HDAC9: variants seen among roughly 807,000 people sequenced by gnomAD.
HDAC9 encodes the protein MEF-2 interacting transcription repressor (MITR) protein.
Under a neutral mutation model 139.4 loss-of-function variants are expected in HDAC9, and 41 were observed. That is an observed-to-expected ratio of 0.29 (90% CI 0.23 to 0.38). The LOEUF is 0.38. HDAC9 is among the 10% of genes least tolerant of loss of function. The pLI is 1.00. For synonymous variants in HDAC9, 517 were observed against 476.2 expected, an observed-to-expected ratio of 1.09 and a Z score of -1.12; for missense variants, 1,147 against 1,297.0, an observed-to-expected ratio of 0.88 and a Z score of 1.78.
intron 13 of HDAC9, among the ~76,000 whole-genome samples, chr7:18,742,503 T>C (rs1468212540): frequency 6.6e-6 from 1 of 152,206 alleles, no homozygotes; most frequent in East Asian, 1.9e-4. Context: ...TTTACAAGCA[T>C]AAGCAAACCA....
intron 8 of HDAC9, among the ~76,000 whole-genome samples, chr7:18,634,968 A>C (rs1440825106): frequency 1.3e-5 from 2 of 152,116 alleles, no homozygotes; most frequent in Admixed American, 6.6e-5. Flanking sequence ...GCTGACATAA[A>C]TAAATATCAA....
At chr7:18,261,482 C>T (rs1352569950) in intron 2 of HDAC9, among the ~76,000 whole-genome samples, 1 of 152,002 alleles carries the variant, frequency 6.6e-6, no homozygotes, top group African/African-American at 2.4e-5. Flanking sequence ...GTCCATTGGG[C>T]CAGTATATTT....
At chr7:18,702,133 G>T (rs1382677441) in intron 12 of HDAC9, among the ~76,000 whole-genome samples, 1 of 152,150 alleles carries the variant, frequency 6.6e-6, no homozygotes, top group Non-Finnish European at 1.5e-5. Flanking sequence ...GTCGGATCTC[G>T]CTGACCCGTG....
chr7:18,270,034 A>T (rs2128212669), intron 2 of HDAC9, among the ~76,000 whole-genome samples: 1 of 152,082 alleles, frequency 6.6e-6, no homozygotes, highest in Admixed American at 6.5e-5. Flanking sequence ...TCGTTATAGG[A>T]GGTACAGTCA....
At chr7:18,562,981 A>G (rs1056077312) in intron 2 of HDAC9, among the ~76,000 whole-genome samples, 5 of 152,096 alleles carry the variant, frequency 3.3e-5, no homozygotes, top group Admixed American at 6.5e-5. Context: ...TTTATGCCCA[A>G]CAATTTTGTT....
chr7:18,420,760 C>G (rs183542155), intron 1 of HDAC9, among the ~76,000 whole-genome samples: 1 of 152,052 alleles, frequency 6.6e-6, no homozygotes, highest in African/African-American at 2.4e-5. Context: ...GGTGAATAAA[C>G]CAAACAAGAA....
chr7:18,347,969 T>G (rs1344510712), intron 1 of HDAC9, among the ~76,000 whole-genome samples: 1 of 152,202 alleles, frequency 6.6e-6, no homozygotes, highest in African/African-American at 2.4e-5. Flanking sequence ...GGGTTGACAG[T>G]CATAGATTCT....
chr7:18,718,617 C>G (rs867381785), intron 12 of HDAC9, among the ~76,000 whole-genome samples: 1 of 152,096 alleles, frequency 6.6e-6, no homozygotes, highest in South Asian at 2.1e-4. Context: ...TTCCTTCTTA[C>G]GGCTAGATAA....
chr7:18,502,485 T>G (rs1798654485), intron 2 of HDAC9: 1 of 152,212 alleles, frequency 6.6e-6, no homozygotes, highest in African/African-American at 2.4e-5. Flanking sequence ...ACGTGGATAT[T>G]GGTGATAAGA....
At chr7:18,362,658 T>C (rs1783874328) in intron 1 of HDAC9, among the ~76,000 whole-genome samples, 1 of 152,182 alleles carries the variant, frequency 6.6e-6, no homozygotes, top group South Asian at 2.1e-4. Context: ...GGAAATTTTA[T>C]AGACAGACAT....
chr7:18,334,615 G>A (rs1272539737), intron 1 of HDAC9, among the ~76,000 whole-genome samples: 1 of 151,350 alleles, frequency 6.6e-6, no homozygotes, highest in East Asian at 1.9e-4. Context: ...AAAAACATAC[G>A]TTTATATCCA....
At chr7:18,859,850 A>ATGTGTGTG (rs1157775071) in intron 21 of HDAC9, among the ~76,000 whole-genome samples, 1 of 123,418 alleles carries the variant, frequency 8.1e-6, no homozygotes, top group African/African-American at 3.2e-5. Flanking sequence ...ATATATATAT[A>ATGTGTGTG]TATATATATG....
intron 1 of HDAC9, among the ~76,000 whole-genome samples, chr7:18,312,882 G>T (rs925895268): frequency 6.6e-6 from 1 of 152,072 alleles, no homozygotes; most frequent in African/African-American, 2.4e-5. Context: ...AGTTTAATGG[G>T]TTTATTAGGG....
At chr7:18,990,089 G>T (rs896441898) in intron 25 of HDAC9, among the ~76,000 whole-genome samples, 1 of 152,144 alleles carries the variant, frequency 6.6e-6, no homozygotes, top group African/African-American at 2.4e-5. Context: ...TTGTTCCATT[G>T]CTGGTGAGGA....
intron 1 of HDAC9, among the ~76,000 whole-genome samples, chr7:18,355,508 A>T (rs957693769): frequency 1.3e-5 from 2 of 152,216 alleles, no homozygotes; most frequent in South Asian, 2.1e-4. Context: ...GAAGGCAGAT[A>T]TTTAAACCAT....
At chr7:18,767,883 A>G (rs1368679906) in intron 16 of HDAC9, among the ~76,000 whole-genome samples, 1 of 152,218 alleles carries the variant, frequency 6.6e-6, no homozygotes, top group African/African-American at 2.4e-5. Context: ...AGACTAAGGT[A>G]TTTAAGTCAA....
chr7:18,648,746 C>A, intron 11 of HDAC9, 63 bp downstream of exon 11: 1 of 1,331,834 alleles, frequency 7.5e-7, no homozygotes, highest in Non-Finnish European at 1.1e-6. Context: ...TATCTCTTCA[C>A]TGATATGGGT....
At chr7:18,567,636 A>G (rs965911798) in intron 2 of HDAC9, among the ~76,000 whole-genome samples, 3 of 152,198 alleles carry the variant, frequency 2.0e-5, no homozygotes, top group African/African-American at 4.8e-5. Flanking sequence ...TTTGGGTTAT[A>G]TAAATTTAAA....
chr7:18,989,761 G>T (rs13238200), intron 25 of HDAC9, among the ~76,000 whole-genome samples: 25,566 of 48,520 alleles, frequency 0.53, 8,117 homozygotes, highest in African/African-American at 0.64. Flanking sequence ...TTCTTCTTAT[G>T]CTTTTTTCTC....
Sources: allele counts gnomAD v4.1 joint callset (sites outside exome capture counted in the v4.1 genomes callset), GRCh38; gene constraint gnomAD v4.1.1; transcripts MANE v1.5; gene names NCBI Gene and HGNC (gene_info 2026-07-23, HGNC 2026-07-21).